The following TRHDE variants were observed in gnomAD, a reference collection of about 807,000 sequenced individuals.
The protein encoded by TRHDE is thyrotropin releasing hormone degrading enzyme.
A neutral mutation model predicts 125.7 loss-of-function variants in TRHDE; 72 were observed. The observed-to-expected ratio is 0.57, with a 90% CI of 0.47 to 0.70. The LOEUF (loss-of-function observed/expected upper bound fraction) is 0.70. TRHDE is among the 30% of genes least tolerant of loss of function. The probability of loss-of-function intolerance (pLI) is 0.00; values close to 1 mark genes in which losing one functional copy is unlikely to be tolerated. For missense variants in TRHDE, 1,110 were observed against 1,327.1 expected (o/e 0.84, Z 2.54); for synonymous variants, 509 against 509.1 (o/e 1.00, Z 0.00).
chr12:72,192,794 G>T (rs1877366288), intron 2 of TRHDE, among the ~76,000 whole-genome samples: 1 of 152,076 alleles, frequency 6.6e-6, no homozygotes, highest in Non-Finnish European at 1.5e-5. Flanking sequence ...TAAGTGCTCA[G>T]ATATTACCTA....
intron 2 of TRHDE, among the ~76,000 whole-genome samples, chr12:72,245,304 T>C (rs1878555757): frequency 6.7e-6 from 1 of 150,078 alleles, no homozygotes; most frequent in Non-Finnish European, 1.5e-5. Flanking sequence ...TCTCTTTACA[T>C]AGGTGGATAG....
intron 5 of TRHDE, among the ~76,000 whole-genome samples, chr12:72,496,421 A>G (rs1461859638): frequency 6.6e-6 from 1 of 152,208 alleles, no homozygotes; most frequent in Admixed American, 6.5e-5. Context: ...GCTGTCTTAC[A>G]TGGCGGCAGG....
At chr12:72,345,725 TC>T (rs1870298063) in intron 2 of TRHDE, among the ~76,000 whole-genome samples, 1 of 151,918 alleles carries the variant, frequency 6.6e-6, no homozygotes, top group Admixed American at 6.6e-5. Flanking sequence ...ATGTGTGGGC[TC>T]CCGGTGGGCA....
At chr12:72,392,819 A>C (rs1353555367) in intron 3 of TRHDE, among the ~76,000 whole-genome samples, 1 of 152,196 alleles carries the variant, frequency 6.6e-6, no homozygotes, top group Non-Finnish European at 1.5e-5. Context: ...ATTTTTGTAC[A>C]TGCTTGAGAA....
intron 9 of TRHDE, among the ~76,000 whole-genome samples, chr12:72,566,323 T>A (rs547606333): frequency 6.6e-6 from 1 of 151,282 alleles, no homozygotes; most frequent in Non-Finnish European, 1.5e-5. Flanking sequence ...AATAAATTTT[T>A]TTTTTAAGTT....
At chr12:72,396,873 C>T (rs556115469) in intron 3 of TRHDE, among the ~76,000 whole-genome samples, 6 of 152,256 alleles carry the variant, frequency 3.9e-5, no homozygotes, top group African/African-American at 1.2e-4. Flanking sequence ...TCTTATTTTC[C>T]CAATGTTTAT....
chr12:72,246,717 T>C (rs1878582118), intron 2 of TRHDE, among the ~76,000 whole-genome samples: 1 of 152,232 alleles, frequency 6.6e-6, no homozygotes, highest in South Asian at 2.1e-4. Flanking sequence ...TCTAATACTT[T>C]GTTATTAAGT....
intron 2 of TRHDE, among the ~76,000 whole-genome samples, chr12:72,124,356 G>A (rs1227872354): frequency 6.6e-6 from 1 of 152,068 alleles, no homozygotes; most frequent in Non-Finnish European, 1.5e-5. Flanking sequence ...GAGAAGATAG[G>A]AGATTTTGTT....
intron 2 of TRHDE, among the ~76,000 whole-genome samples, chr12:72,169,278 A>G (rs575213714): frequency 6.6e-6 from 1 of 152,302 alleles, no homozygotes; most frequent in African/African-American, 2.4e-5. Flanking sequence ...CAACTCTGAT[A>G]AATCATTCTC....
At chr12:72,253,661 A>G (rs1878739196) in intron 2 of TRHDE, 1 of 152,198 alleles carries the variant, frequency 6.6e-6, no homozygotes. Context: ...CATTTGTTAT[A>G]ACTGATGAAA....
At chr12:72,361,295 G>A (rs562555308) in intron 2 of TRHDE, among the ~76,000 whole-genome samples, 1 of 151,900 alleles carries the variant, frequency 6.6e-6, no homozygotes, top group Admixed American at 6.6e-5. Flanking sequence ...ATGCTTTGGA[G>A]GTGAAAATCC....
intron 5 of TRHDE, among the ~76,000 whole-genome samples, chr12:72,496,202 A>T (rs1487159672): frequency 1.3e-5 from 2 of 152,206 alleles, no homozygotes; most frequent in Non-Finnish European, 2.9e-5. Context: ...CAAACTTTAA[A>T]TTTCCTTCAA....
At chr12:72,439,713 T>C (rs1314343455) in intron 3 of TRHDE, among the ~76,000 whole-genome samples, 3 of 151,950 alleles carry the variant, frequency 2.0e-5, no homozygotes. Flanking sequence ...GACTTCTTCC[T>C]TTCCTATTTA....
chr12:72,439,759 T>C (rs563684205), intron 3 of TRHDE, among the ~76,000 whole-genome samples: 1 of 152,034 alleles, frequency 6.6e-6, no homozygotes, highest in East Asian at 1.9e-4. Context: ...TTAATTGCTC[T>C]GGGTGGGACC....
intron 15 of TRHDE, among the ~76,000 whole-genome samples, chr12:72,625,592 AT>A (rs1198079144): frequency 9.2e-5 from 14 of 151,938 alleles, no homozygotes; most frequent in Non-Finnish European, 2.1e-4. Context: ...TTTAATGATG[AT>A]CATAAAGCTA....
chr12:72,239,091 G>GTGCA (rs1264499953), intron 2 of TRHDE, among the ~76,000 whole-genome samples: 1 of 152,120 alleles, frequency 6.6e-6, no homozygotes, highest in Admixed American at 6.5e-5. Flanking sequence ...ATTCTAACTG[G>GTGCA]CGAGAGATGG....
At chr12:72,325,434 AG>A (rs1312969681) in intron 2 of TRHDE, among the ~76,000 whole-genome samples, 1 of 152,200 alleles carries the variant, frequency 6.6e-6, no homozygotes, top group Non-Finnish European at 1.5e-5. Flanking sequence ...TTTACCAAAC[AG>A]CCTTTTGTAA....
At chr12:72,587,936 T>A (rs1165096786) in intron 12 of TRHDE, among the ~76,000 whole-genome samples, 1 of 152,166 alleles carries the variant, frequency 6.6e-6, no homozygotes, top group Non-Finnish European at 1.5e-5. Context: ...AGTTACCAGG[T>A]TTGTATGTGC....
intron 3 of TRHDE, among the ~76,000 whole-genome samples, chr12:72,429,662 C>T (rs1032264405): frequency 3.3e-5 from 5 of 151,922 alleles, no homozygotes; most frequent in Admixed American, 6.6e-5. Context: ...TTGAGGGTTC[C>T]AATTTTTATA....
Sources: gnomAD v4.1 joint callset for allele counts (sites outside exome capture counted in the v4.1 genomes callset) on GRCh38, gnomAD v4.1.1 for gene constraint, MANE v1.5 for transcripts, NCBI Gene and HGNC (gene_info 2026-07-23, HGNC 2026-07-21) for gene names.